The following FYB1 variants were observed in gnomAD, a reference collection of about 807,000 sequenced individuals.
FYB1 encodes FYN-binding protein 1.
FYB1 carries 41 observed loss-of-function variants against 94.1 expected under a neutral mutation model. The observed-to-expected ratio is 0.44, with a 90% confidence interval of 0.34 to 0.57. FYB1 has a LOEUF of 0.57. Ranked by LOEUF, FYB1 falls within the 20% of genes least tolerant of loss-of-function variation. The pLI, the probability that FYB1 is intolerant of heterozygous loss-of-function variation, is 0.02. For synonymous variants in FYB1, 367 were observed against 353.2 expected, an observed-to-expected ratio of 1.04 and a Z score of -0.44; for missense variants, 1,050 against 976.8, an observed-to-expected ratio of 1.07 and a Z score of -1.00.
intron 2 of FYB1, among the ~76,000 whole-genome samples, chr5:39,159,017 C>A (rs975949687): frequency 6.6e-6 from 1 of 152,154 alleles, no homozygotes; most frequent in Non-Finnish European, 1.5e-5. Flanking sequence ...TGGGAGTAAT[C>A]GAGCCCTAAC....
intron 2 of FYB1, among the ~76,000 whole-genome samples, chr5:39,186,198 G>T (rs767626662): frequency 6.6e-6 from 1 of 152,130 alleles, no homozygotes; most frequent in African/African-American, 2.4e-5. Context: ...GGCGAAGGCG[G>T]GAGGATCACC....
In FYB1 at chr5:39,122,342, T is replaced by C. The variant is rs1740195286; in HGVS notation, c.2132A>G (p.Glu711Gly). 2 of 1,561,360 alleles carry C rather than the reference T, an allele frequency of 1.3e-6. No individual in the cohort carries two copies. The highest frequency in any genetic ancestry group is 1.7e-6 in the Non-Finnish European group (2 of 1,145,596). ...DTSDFPVSSA[E>G]MSQGTNVGKA... is the part of the protein sequence containing the mutation. ...ATGAAAGCATTTTAATTACCTCATC[T>C]CTGCTGATGAAACAGGGAAATCAGA... is the stretch of plus-strand genomic sequence containing the variant. The change falls in exon 14 of 19, where the codon GAG (glutamate) becomes GGG (glycine). Residue 711 changes from glutamate (E) to glycine (G), a missense_variant. Physicochemically the swap from Glu to Gly is moderately conservative, Grantham distance 98. Coordinates refer to ENST00000512982, the MANE Select transcript of FYB1 (RefSeq NM_001465.6).
intron 2 of FYB1, among the ~76,000 whole-genome samples, chr5:39,162,718 ATT>A (rs60393235): frequency 0.6 from 88,852 of 148,650 alleles, 28,653 homozygotes; most frequent in Non-Finnish European, 0.72. Flanking sequence ...CCGTTTAGTG[ATT>A]TTTTTTTTTT....
At chr5:39,195,421 T>G (rs1747744639) in intron 2 of FYB1, among the ~76,000 whole-genome samples, 1 of 152,152 alleles carries the variant, frequency 6.6e-6, no homozygotes, top group Non-Finnish European at 1.5e-5. Flanking sequence ...GGTGATAGCT[T>G]TGGGGCCTGT....
chr5:39,114,634 A>G (rs994093631), intron 16 of FYB1, among the ~76,000 whole-genome samples: 1 of 152,204 alleles, frequency 6.6e-6, no homozygotes, highest in African/African-American at 2.4e-5. Flanking sequence ...GAGGCTCTGC[A>G]ATGGCATATA....
At chr5:39,187,169 G>C (rs1746900389) in intron 2 of FYB1, among the ~76,000 whole-genome samples, 1 of 151,664 alleles carries the variant, frequency 6.6e-6, no homozygotes, top group South Asian at 2.1e-4. Flanking sequence ...CTTAAAAAAA[G>C]CTTTCAGCTT....
chr5:39,114,092 C>T (rs978165277), intron 16 of FYB1, among the ~76,000 whole-genome samples: 6 of 151,882 alleles, frequency 4.0e-5, no homozygotes, highest in South Asian at 2.1e-4. Context: ...TTGGGAAGAT[C>T]GAAAGCACCT....
At chr5:39,221,972 G>C (rs765831992), upstream of FYB1, among the ~76,000 whole-genome samples, 2 of 151,874 alleles carry the variant, frequency 1.3e-5, no homozygotes, top group African/African-American at 4.8e-5. Flanking sequence ...TTGCACTCCA[G>C]CCCGGGCCAA....
At position 39,141,132 on chromosome 5, in the gene FYB1, G is replaced by T; in HGVS notation, c.1302C>A (p.Val434=). ...IKPPFDLKSP[V]NEDNQDGVTH... ...TGACACCATCTTGATTGTCTTCATTGACAGGGCTTCTGAAAACGAGAAAGA... is the reference window on the plus strand; with the variant it reads ...TGACACCATCTTGATTGTCTTCATTTACAGGGCTTCTGAAAACGAGAAAGA... The change falls in exon 4 of 19, where the codon GTC becomes GTA. Residue 434 remains valine, a synonymous_variant. Coordinates refer to ENST00000512982, the MANE Select transcript of FYB1 (RefSeq NM_001465.6). 2 of 1,593,376 alleles carry T rather than the reference G, an allele frequency of 1.3e-6. No individual in the cohort carries two copies. Among genetic ancestry groups the T allele is most frequent in the South Asian group, 1.1e-5 (1 of 87,626 alleles).
intron 2 of FYB1, among the ~76,000 whole-genome samples, chr5:39,158,218 T>C (rs552497493): frequency 6.6e-6 from 1 of 152,304 alleles, no homozygotes; most frequent in African/African-American, 2.4e-5. Context: ...TCCTTTTTAA[T>C]TGTGGAAGTT....
chr5:39,119,042 A>G lies in FYB1; in HGVS notation c.2239-6T>C. On this transcript the variant is annotated splice_polypyrimidine_tract_variant and splice_region_variant and intron_variant, in intron 15 of 18. Transcript: ENST00000512982. ...ACTCTAATTTCACCATCATACTAAA[A>G]AAAAAAGAACAATATTTAAATTATT... 8.0e-7 allele frequency: 1 copy of G among 1,254,742 alleles called. No homozygotes were observed. The highest frequency in any genetic ancestry group is 1.9e-5 in the South Asian group (1 of 53,716). 77.7% of individuals were successfully genotyped at this position (1,254,742 alleles called of 1,614,324 possible). A position where few individuals can be genotyped will look rare whatever the true frequency, so the allele number is the denominator to read the frequency against.
intron 1 of FYB1, among the ~76,000 whole-genome samples, chr5:39,214,316 T>C (rs1749673146): frequency 6.6e-6 from 1 of 152,340 alleles, no homozygotes; most frequent in Admixed American, 6.5e-5. Context: ...ACAGCTGCTA[T>C]AGAAAACAGT....
At chr5:39,189,262 G>A (rs1300725294) in intron 2 of FYB1, among the ~76,000 whole-genome samples, 2 of 118,142 alleles carry the variant, frequency 1.7e-5, no homozygotes, top group Non-Finnish European at 3.5e-5. Context: ...TAGGATCTCT[G>A]TTTATTAGGC....
chr5:39,169,047 A>C (rs1176964883), intron 2 of FYB1, among the ~76,000 whole-genome samples: 1 of 152,222 alleles, frequency 6.6e-6, no homozygotes, highest in African/African-American at 2.4e-5. Flanking sequence ...GGAAATAGGA[A>C]GATTTAGGTA....
chr5:39,113,687 C>T (rs1370270251), intron 16 of FYB1, among the ~76,000 whole-genome samples: 2 of 128,220 alleles, frequency 1.6e-5, no homozygotes, highest in East Asian at 2.1e-4. Context: ...ATAAAAATGA[C>T]AACATACTAT....
At chr5:39,233,951 TG>T (rs1246063422) in intron 1 of FYB1, among the ~76,000 whole-genome samples, 1 of 152,138 alleles carries the variant, frequency 6.6e-6, no homozygotes, top group Non-Finnish European at 1.5e-5. Context: ...GAAAGGGACT[TG>T]ATGACTCCCA....
At chr5:39,224,333 G>T (rs1186825438), upstream of FYB1, among the ~76,000 whole-genome samples, 1 of 152,086 alleles carries the variant, frequency 6.6e-6, no homozygotes, top group Non-Finnish European at 1.5e-5. Flanking sequence ...TTACTACAGG[G>T]ATTAAGCGTC....
chr5:39,130,721 G>A (rs962122160), intron 9 of FYB1, 109 bp from the exon 10 acceptor site: 6 of 887,920 alleles, frequency 6.8e-6, no homozygotes, highest in African/African-American at 3.3e-5. Context: ...CATTCCAGTC[G>A]AAAGTTCTTA....
chr5:39,214,027 G>A (rs968925850), intron 1 of FYB1, among the ~76,000 whole-genome samples: 14 of 152,164 alleles, frequency 9.2e-5, no homozygotes, highest in African/African-American at 9.6e-5. Flanking sequence ...AACATCTTTC[G>A]TTAGTTCAAA....
Sources: allele counts gnomAD v4.1 joint callset (sites outside exome capture counted in the v4.1 genomes callset), GRCh38; gene constraint gnomAD v4.1.1; transcripts MANE v1.5; gene names NCBI Gene and HGNC (gene_info 2026-07-23, HGNC 2026-07-21).